The following TAF3 variants were observed in gnomAD, a reference collection of about 807,000 sequenced individuals.
TAF3 encodes transcription initiation factor TFIID subunit 3.
In TAF3, 7 loss-of-function variants were observed where a neutral mutation model predicts 80.6. That is an observed-to-expected ratio of 0.09 (90% CI 0.05 to 0.16). TAF3 has a LOEUF of 0.16. TAF3 is among the 10% of genes least tolerant of loss of function. TAF3 has a pLI of 1.00. For synonymous variants in TAF3, 444 were observed against 446.1 expected (o/e 1.00, Z 0.06); for missense variants, 921 against 1,140.2 (o/e 0.81, Z 2.77).
At chr10:7,899,467 T>G (rs1229864748) in intron 2 of TAF3, among the ~76,000 whole-genome samples, 2 of 152,220 alleles carry the variant, frequency 1.3e-5, no homozygotes, top group Non-Finnish European at 2.9e-5. Context: ...CTTACACATT[T>G]GCATTTCTCT....
intron 2 of TAF3, among the ~76,000 whole-genome samples, chr10:7,899,761 G>A (rs1429240390): frequency 6.6e-6 from 1 of 152,196 alleles, no homozygotes. Flanking sequence ...TGTTTTTGAA[G>A]ATCACGTTAG....
Position 8,014,842 on chromosome 10 carries a change from C to T in TAF3, c.*91C>T. On this transcript the variant is annotated 3_prime_UTR_variant, in exon 7 of 7. Transcript: ENST00000344293. ...AGCTGGTGCAAGTCTGCCGTCACAT[C>T]CACCCCCAGATGCCTGTGGATAAAG... is the stretch of plus-strand genomic sequence containing the variant. 8.9e-7 allele frequency: 1 copy of T among 1,122,562 alleles called. No individual in the cohort carries two copies. The highest frequency in any genetic ancestry group is 1.5e-5 in the South Asian group (1 of 65,876). 69.5% of individuals were successfully genotyped at this position (1,122,562 alleles called of 1,614,324 possible).
chr10:7,987,372 A>G (rs923627055), intron 4 of TAF3, among the ~76,000 whole-genome samples: 1 of 152,108 alleles, frequency 6.6e-6, no homozygotes, highest in Admixed American at 6.6e-5. Flanking sequence ...TCAGCAGCTT[A>G]TCCCCTCCCC....
chr10:7,949,354 G>T (rs1033938170), intron 2 of TAF3, among the ~76,000 whole-genome samples: 2 of 152,348 alleles, frequency 1.3e-5, no homozygotes, highest in South Asian at 4.1e-4. Flanking sequence ...CAGCCTCTTC[G>T]ACAGGATTGT....
chr10:7,881,205 A>T (rs997642962), intron 2 of TAF3, among the ~76,000 whole-genome samples: 1 of 150,418 alleles, frequency 6.6e-6, no homozygotes, highest in African/African-American at 2.5e-5. Context: ...CTAACACTGC[A>T]CTCCAGCCTG....
At chr10:7,894,023 T>C (rs191486121) in intron 2 of TAF3, among the ~76,000 whole-genome samples, 32 of 152,322 alleles carry the variant, frequency 2.1e-4, no homozygotes, top group Non-Finnish European at 2.4e-4. Flanking sequence ...TGTAGTCTTC[T>C]ACCCTGTATC....
chr10:7,899,152 TTTACTCAATATTGCGA>T (rs1221390757), intron 2 of TAF3, among the ~76,000 whole-genome samples: 1 of 152,176 alleles, frequency 6.6e-6, no homozygotes. Context: ...AGATTGAAGC[TTTACTCAATATTGCGA>T]TTTTCGATCC....
At chr10:7,910,216 A>T (rs895850684) in intron 2 of TAF3, among the ~76,000 whole-genome samples, 5 of 152,106 alleles carry the variant, frequency 3.3e-5, no homozygotes, top group Admixed American at 3.3e-4. Context: ...TATACTGAGC[A>T]CTTAGTATTT....
intron 2 of TAF3, among the ~76,000 whole-genome samples, chr10:7,956,101 CAT>C (rs1838132782): frequency 1.3e-5 from 2 of 152,052 alleles, no homozygotes; most frequent in South Asian, 4.1e-4. Context: ...TTATATAATA[CAT>C]ATGTTAATTA....
Position 7,826,792 on chromosome 10 carries a change from T to C in TAF3, c.409+2232T>C, listed in dbSNP as rs144459818. Among the ~76,000 whole-genome samples the C allele has an allele frequency of 2.5e-3, 379 of 152,336 alleles. 7 individuals are homozygous for C. The highest frequency in any genetic ancestry group is 0.015 in the South Asian group (71 of 4,832). Reference sequence around the variant, plus strand: ...AAGGATATAAAATGCAATTCTTTGGTTACCATTTAAAAATATAACCATACA... The same window carrying C: ...AAGGATATAAAATGCAATTCTTTGGCTACCATTTAAAAATATAACCATACA... On this transcript the variant is annotated intron_variant, in intron 2 of 6. Transcript: ENST00000344293.
At chr10:7,952,003 T>A (rs1838087311) in intron 2 of TAF3, among the ~76,000 whole-genome samples, 1 of 152,216 alleles carries the variant, frequency 6.6e-6, no homozygotes, top group South Asian at 2.1e-4. Flanking sequence ...ATTAGTTTCA[T>A]CCCTACAGAA....
intron 2 of TAF3, among the ~76,000 whole-genome samples, chr10:7,945,857 C>G (rs752123639): frequency 5.9e-5 from 9 of 152,298 alleles, no homozygotes; most frequent in Middle Eastern, 3.4e-3. Flanking sequence ...TGTGAATTTT[C>G]CTTTTGTATT....
intron 4 of TAF3, among the ~76,000 whole-genome samples, chr10:7,979,205 G>A (rs887355676): frequency 1.6e-4 from 24 of 151,366 alleles, no homozygotes; most frequent in African/African-American, 5.8e-4. Flanking sequence ...TTAGCCAGGT[G>A]TGGTGGCAGG....
At chr10:7,962,832 T>C (rs576913056) in intron 2 of TAF3, among the ~76,000 whole-genome samples, 12 of 152,352 alleles carry the variant, frequency 7.9e-5, no homozygotes, top group African/African-American at 2.2e-4. Context: ...TGAGCTCTTT[T>C]AGTTGTGATT....
chr10:7,861,770 C>T (rs6602275), intron 2 of TAF3, among the ~76,000 whole-genome samples: 7,387 of 151,024 alleles, frequency 0.049, 300 homozygotes, highest in Admixed American at 0.11. Flanking sequence ...TAGGATGTGC[C>T]TAGGTGTGGT....
chr10:8,003,619 G>GA (rs1398607070), intron 4 of TAF3, among the ~76,000 whole-genome samples: 1 of 152,194 alleles, frequency 6.6e-6, no homozygotes, highest in African/African-American at 2.4e-5. Context: ...CAACTTATAA[G>GA]AAACTATCAT....
intron 2 of TAF3, among the ~76,000 whole-genome samples, chr10:7,952,846 A>T (rs1422103882): frequency 6.6e-6 from 1 of 152,192 alleles, no homozygotes; most frequent in Non-Finnish European, 1.5e-5. Context: ...CCACTTACAC[A>T]TGTTGAGTTG....
At chr10:7,972,953 A>G (rs913673436) in intron 3 of TAF3, among the ~76,000 whole-genome samples, 3 of 152,342 alleles carry the variant, frequency 2.0e-5, no homozygotes, top group South Asian at 2.1e-4. Flanking sequence ...TAAGCCATCA[A>G]TATTACCAGA....
At chr10:7,830,318 C>T (rs1446231555) in intron 2 of TAF3, among the ~76,000 whole-genome samples, 1 of 151,080 alleles carries the variant, frequency 6.6e-6, no homozygotes, top group East Asian at 1.9e-4. Flanking sequence ...CAACCCCACC[C>T]CACCCCTTCC....
Sources: allele counts gnomAD v4.1 joint callset (sites outside exome capture counted in the v4.1 genomes callset), GRCh38; gene constraint gnomAD v4.1.1; transcripts MANE v1.5; gene names NCBI Gene and HGNC (gene_info 2026-07-23, HGNC 2026-07-21).